FNTB: variants seen among roughly 807,000 people sequenced by gnomAD.
The protein encoded by FNTB is protein farnesyltransferase subunit beta.
Under a neutral mutation model 59.4 loss-of-function variants are expected in FNTB, and 27 were observed. That is an observed-to-expected ratio of 0.45 (90% CI 0.34 to 0.63). The LOEUF (loss-of-function observed/expected upper bound fraction) is 0.63, where lower values mean the gene tolerates loss of function less well. FNTB is among the 20% of genes least tolerant of loss of function. FNTB has a pLI of 0.02. For missense variants in FNTB, 449 were observed against 559.6 expected, an observed-to-expected ratio of 0.80 and a Z score of 1.99; for synonymous variants, 230 against 220.7, an observed-to-expected ratio of 1.04 and a Z score of -0.37.
In FNTB at chr14:64,992,371, C is replaced by T. The variant is rs545353081; in HGVS notation, c.144+5274C>T. ...CCATATACCTACTTAAAATCACCTACTTTATAAAGTAACACTAATTTAGAA... is the reference window on the plus strand; with the variant it reads ...CCATATACCTACTTAAAATCACCTATTTTATAAAGTAACACTAATTTAGAA... On this transcript the variant is annotated intron_variant, in intron 1 of 11. Coordinates refer to ENST00000246166, the MANE Select transcript of FNTB (RefSeq NM_002028.4). Among the ~76,000 whole-genome samples, 5 of 152,306 alleles carry T rather than the reference C, an allele frequency of 3.3e-5. No homozygotes were observed. In the South Asian group the frequency reaches 1.0e-3, roughly 32 times the overall value.
intron 11 of FNTB, among the ~76,000 whole-genome samples, chr14:65,057,888 T>A (rs985986077): frequency 1.3e-5 from 2 of 152,218 alleles, no homozygotes; most frequent in Admixed American, 1.3e-4. Flanking sequence ...GTTTCTGGAC[T>A]CTCTTATTTT....
Position 65,029,250 on chromosome 14 carries a change from C to G in FNTB, c.605+1469C>G, listed in dbSNP as rs148202928. ...CCATTTTCCTTGCTTTGCCTGGTTT[C>G]TAGTACCCCGATTCCATCATTTTTC... On this transcript the variant is annotated intron_variant, in intron 6 of 11. Coordinates refer to ENST00000246166, the MANE Select transcript of FNTB (RefSeq NM_002028.4). The surrounding 1 kb of genome is among the most constrained non-coding windows in gnomAD (Gnocchi z 4.7). Among the ~76,000 whole-genome samples, 243 of 152,310 alleles carry G rather than the reference C, an allele frequency of 1.6e-3. 1 individual carries two copies. The highest frequency in any genetic ancestry group is 5.8e-3 in the African/African-American group (242 of 41,564).
rs2139472082 is a variant in FNTB at position 65,001,327 on chromosome 14, A to G, written c.145-2922A>G. On this transcript the variant is annotated intron_variant, in intron 1 of 11. Coordinates refer to ENST00000246166, the MANE Select transcript of FNTB (RefSeq NM_002028.4). The surrounding 1 kb of genome is among the most constrained non-coding windows in gnomAD (Gnocchi z 5.5). ...ACTTTTAGATATACAAAGGCTTACTATTGTGTTACATTTGCCTACAGTATT... is the reference window on the plus strand; with the variant it reads ...ACTTTTAGATATACAAAGGCTTACTGTTGTGTTACATTTGCCTACAGTATT... 6.6e-6 allele frequency among the ~76,000 whole-genome samples: 1 copy of G among 152,278 alleles called. No homozygotes were observed. Among genetic ancestry groups the G allele is most frequent in the African/African-American group, 2.4e-5 (1 of 41,548 alleles).
Position 65,030,665 on chromosome 14 carries a change from A to G in FNTB, c.606-1945A>G, listed in dbSNP as rs2062062987. 6.6e-6 allele frequency among the ~76,000 whole-genome samples: 1 copy of G among 152,062 alleles called. No individual in the cohort carries two copies. The highest frequency in any genetic ancestry group is 1.5e-5 in the Non-Finnish European group (1 of 67,996). ...GCTGAGGCAAGATCAGTTTGAGCCCAGGAGTTTGAGGTTGCAGTGAGCCAT... is the reference window on the plus strand; with the variant it reads ...GCTGAGGCAAGATCAGTTTGAGCCCGGGAGTTTGAGGTTGCAGTGAGCCAT... On this transcript the variant is annotated intron_variant, in intron 6 of 11. Coordinates refer to ENST00000246166, the MANE Select transcript of FNTB (RefSeq NM_002028.4). The surrounding 1 kb of genome is among the most constrained non-coding windows in gnomAD (Gnocchi z 4.5).
Position 65,005,501 on chromosome 14 carries a change from CTT to C in FNTB, c.209+1190_209+1191del, listed in dbSNP as rs1555390086. On this transcript the variant is annotated intron_variant, in intron 2 of 11. Coordinates refer to ENST00000246166, the MANE Select transcript of FNTB (RefSeq NM_002028.4). ...TCTTTCTTTCTTTCTTTCTTTCTTT[CTT>C]TCTTTCTTTCTCTCTCTCTTTCTCT... is the stretch of plus-strand genomic sequence containing the variant. Among the ~76,000 whole-genome samples the C allele has an allele frequency of 2.5e-3, 340 of 133,496 alleles. 4 individuals carry two copies. Among genetic ancestry groups the C allele is most frequent in the African/African-American group, 9.5e-3 (305 of 32,016 alleles). The allele number at this position is 133,496 out of a possible 152,430, so 87.6% of individuals were successfully genotyped here. A position where few individuals can be genotyped will look rare whatever the true frequency, so the allele number is the denominator to read the frequency against.
chr14:64,997,554 T>C lies in FNTB; in HGVS notation c.145-6695T>C, dbSNP rs141836418. 6.6e-6 allele frequency among the ~76,000 whole-genome samples: 1 copy of C among 152,352 alleles called. No individual in the cohort carries two copies. The highest frequency in any genetic ancestry group is 1.9e-4 in the East Asian group (1 of 5,194). On this transcript the variant is annotated intron_variant, in intron 1 of 11. Transcript: ENST00000246166. The surrounding 1 kb of genome is among the most constrained non-coding windows in gnomAD (Gnocchi z 4.5). ...ATTCTTTATTGCAAGGCTGTGGTCT[T>C]AGTGAATTGATTGTGTCTGTGCAGC...
At position 65,020,190 on chromosome 14, in the gene FNTB, T is replaced by C. The variant is rs565757657; in HGVS notation, c.374+4474T>C. ...TAGTGGACAAAATACTTTTGTCAGC[T>C]GCTATGACCGCTGACCAAAGCCAGC... On this transcript the variant is annotated intron_variant, in intron 4 of 11. Transcript: ENST00000246166. Among the ~76,000 whole-genome samples the C allele has an allele frequency of 3.3e-5, 5 of 152,352 alleles. No homozygotes were observed. In the East Asian group the frequency reaches 9.6e-4, roughly 29 times the overall value.
At position 65,053,244 on chromosome 14, in the gene FNTB, C is replaced by A; in HGVS notation, c.962C>A (p.Pro321His). ...LHRALHAQGD[P>H]ALSMSHWMFH... Reference sequence around the variant, plus strand: ...ACCCTTTGCCCTTCAACAGGTGACCCTGCCCTTAGCATGAGCCACTGGATG... The same window carrying A: ...ACCCTTTGCCCTTCAACAGGTGACCATGCCCTTAGCATGAGCCACTGGATG... Residue 321 changes from proline to histidine, a missense_variant, in exon 10 of 12, where the codon CCT becomes CAT. Pro to His is a moderately conservative substitution (Grantham distance 77, BLOSUM62 -2). This residue lies in a region of FNTB where 337 missense variants were observed against 479.1 expected (regional missense o/e 0.70). Transcript: ENST00000246166. The A allele has an allele frequency of 7.1e-7, 1 of 1,401,958 alleles. No homozygotes were observed. Among genetic ancestry groups the A allele is most frequent in the Non-Finnish European group, 9.4e-7 (1 of 1,066,960 alleles). 86.8% of individuals were successfully genotyped at this position (1,401,958 alleles called of 1,614,324 possible).
chr14:64,994,194 G>T lies in FNTB; in HGVS notation c.144+7097G>T, dbSNP rs116777460. ...CTATTGATTAAATGAAAAACTCCATGAAATACCTTTTAAACAGAGCTGTCC... is the reference window on the plus strand; with the variant it reads ...CTATTGATTAAATGAAAAACTCCATTAAATACCTTTTAAACAGAGCTGTCC... On this transcript the variant is annotated intron_variant, in intron 1 of 11. Coordinates refer to ENST00000246166, the MANE Select transcript of FNTB (RefSeq NM_002028.4). The surrounding 1 kb of genome is among the most constrained non-coding windows in gnomAD (Gnocchi z 4.2). Among the ~76,000 whole-genome samples, 2,111 of 152,294 alleles carry T rather than the reference G, an allele frequency of 0.014. 31 individuals carry two copies. Among genetic ancestry groups the T allele is most frequent in the African/African-American group, 0.025 (1,035 of 41,548 alleles).
chr14:65,053,630 A>AAAAACAAAAAAAAAC (rs1462098166), intron 10 of FNTB, among the ~76,000 whole-genome samples: 4 of 151,992 alleles, frequency 2.6e-5, no homozygotes, highest in African/African-American at 9.7e-5. Flanking sequence ...TTTTTTTAAA[A>AAAAACAAAAAAAAAC]AAAACAAAAA....
In FNTB at chr14:64,994,966, A is replaced by G. The variant is rs1305572586; in HGVS notation, c.144+7869A>G. Among the ~76,000 whole-genome samples the G allele has an allele frequency of 6.6e-6, 1 of 152,250 alleles. No homozygotes were observed. The highest frequency in any genetic ancestry group is 2.4e-5 in the African/African-American group (1 of 41,468). On this transcript the variant is annotated intron_variant, in intron 1 of 11. Coordinates refer to ENST00000246166, the MANE Select transcript of FNTB (RefSeq NM_002028.4). The surrounding 1 kb of genome is among the most constrained non-coding windows in gnomAD (Gnocchi z 4.2). ...TACAGCTTTTTGACCCTTTTGTAATAACAGTTTAAAACACAAGCACATTGT... is the reference window on the plus strand; with the variant it reads ...TACAGCTTTTTGACCCTTTTGTAATGACAGTTTAAAACACAAGCACATTGT...
chr14:65,059,078 A>G (rs916180767), intron 11 of FNTB, among the ~76,000 whole-genome samples: 1 of 152,070 alleles, frequency 6.6e-6, no homozygotes, highest in African/African-American at 2.4e-5. Flanking sequence ...GCTGGAGTAC[A>G]GTGCTGTGAT....
At chr14:65,058,199 T>C (rs1262751533) in intron 11 of FNTB, among the ~76,000 whole-genome samples, 2 of 148,134 alleles carry the variant, frequency 1.4e-5, no homozygotes, top group Non-Finnish European at 3.0e-5. Flanking sequence ...ACATAATTTT[T>C]CTTTTCTTTA....
At chr14:65,051,304 C>T (rs1324538527) in intron 9 of FNTB, among the ~76,000 whole-genome samples, 2 of 152,206 alleles carry the variant, frequency 1.3e-5, no homozygotes, top group Non-Finnish European at 2.9e-5. Context: ...TTCTTATTGT[C>T]TGTTTGAAAT....
At position 65,032,606 on chromosome 14, in the gene FNTB, C is replaced by A; in HGVS notation, c.606-4C>A. 1 of 1,613,304 alleles carries A rather than the reference C, an allele frequency of 6.2e-7. No homozygotes were observed. The highest frequency in any genetic ancestry group is 8.5e-7 in the Non-Finnish European group (1 of 1,179,908). On this transcript the variant is annotated splice_region_variant and splice_polypyrimidine_tract_variant and intron_variant, in intron 6 of 11. Coordinates refer to ENST00000246166, the MANE Select transcript of FNTB (RefSeq NM_002028.4). The surrounding 1 kb of genome is among the most constrained non-coding windows in gnomAD (Gnocchi z 5.0). ...TAATGTGTTTCCCGTTTCTGTCTTT[C>A]CAGAAGCGCATACTGTGCTGCCTCC...
Position 65,012,395 on chromosome 14 carries a change from C to CTA in FNTB, c.282+6_282+7insTA. The CTA allele has an allele frequency of 6.2e-7, 1 of 1,614,066 alleles. No homozygotes were observed. Among genetic ancestry groups the CTA allele is most frequent in the Non-Finnish European group, 8.5e-7 (1 of 1,179,928 alleles). ...AACTGACAGATGCCTATGAGGTAAACACATTACCCAGGAACTCTTGCTGTC... is the reference window on the plus strand; with the variant it reads ...AACTGACAGATGCCTATGAGGTAAACTAACATTACCCAGGAACTCTTGCTGTC... On this transcript the variant is annotated splice_region_variant and intron_variant, in intron 3 of 11. Coordinates refer to ENST00000246166, the MANE Select transcript of FNTB (RefSeq NM_002028.4). This position sits in a 1 kb window ranked among gnomAD's most constrained non-coding sequence, Gnocchi z 5.0.
intron 4 of FNTB, among the ~76,000 whole-genome samples, chr14:65,026,927 G>A (rs988706968): frequency 3.9e-5 from 6 of 152,116 alleles, no homozygotes; most frequent in African/African-American, 1.4e-4. Flanking sequence ...GGCCCACAGA[G>A]GCTTAGGTGG....
rs879821413 is a variant in FNTB at position 65,062,063 on chromosome 14, C to G, written c.*751C>G. The G allele has an allele frequency of 4.6e-5, 7 of 152,576 alleles. No individual in the cohort carries two copies. Among genetic ancestry groups the G allele is most frequent in the African/African-American group, 9.6e-5 (4 of 41,476 alleles). The allele number at this position is 152,576 out of a possible 1,614,324, so 9.5% of individuals were successfully genotyped here. ...AGTTCAACTGTGCCAGAGGAAACAG[C>G]CCTCCAGTGCCCACCTGCCTCACTC... On this transcript the variant is annotated 3_prime_UTR_variant, in exon 12 of 12. Transcript: ENST00000246166. This position sits in a 1 kb window ranked among gnomAD's most constrained non-coding sequence, Gnocchi z 4.3.
At chr14:65,049,149 G>T (rs1004198064) in intron 9 of FNTB, among the ~76,000 whole-genome samples, 1 of 149,044 alleles carries the variant, frequency 6.7e-6, no homozygotes. Flanking sequence ...AAAGGCTTAA[G>T]AAATCTCAAG....
Sources: allele counts gnomAD v4.1 joint callset (sites outside exome capture counted in the v4.1 genomes callset), GRCh38; gene constraint gnomAD v4.1.1; regional missense constraint gnomAD v4.1.1; non-coding constraint Gnocchi (gnomAD v3.1); transcripts MANE v1.5; gene names NCBI Gene and HGNC (gene_info 2026-07-23, HGNC 2026-07-21).